Variants in SMARCA4 observed in about 807,000 individuals in gnomAD.
SMARCA4 encodes SWI/SNF related BAF chromatin remodeling complex subunit ATPase 4.
In SMARCA4, 31 loss-of-function variants were observed where a neutral mutation model predicts 193.9. The ratio of observed to expected loss-of-function variants is 0.16; its 90% confidence interval spans 0.12 to 0.22. The LOEUF (loss-of-function observed/expected upper bound fraction) is 0.22. SMARCA4 is among the 10% of genes least tolerant of loss of function. SMARCA4 has a pLI of 1.00. For synonymous variants in SMARCA4, 942 were observed against 933.1 expected, an observed-to-expected ratio of 1.01 and a Z score of -0.17; for missense variants, 1,148 against 2,296.0, an observed-to-expected ratio of 0.50 and a Z score of 10.22.
intron 30 of SMARCA4, among the ~76,000 whole-genome samples, chr19:11,053,464 A>G (rs2076374574): frequency 6.6e-6 from 1 of 151,712 alleles, no homozygotes; most frequent in Non-Finnish European, 1.5e-5. Context: ...AAAAAAAAAA[A>G]AAAAGAAAGA....
chr19:10,981,862 C>G (rs577859554), intron 1 of SMARCA4, among the ~76,000 whole-genome samples: 2 of 152,106 alleles, frequency 1.3e-5, no homozygotes, highest in African/African-American at 4.8e-5. Context: ...GTGATGCACT[C>G]CTATGGTCCC....
intron 7 of SMARCA4, 68 bp from the exon 8 acceptor site, chr19:10,991,082 T>C (rs2086517631): frequency 6.2e-7 from 1 of 1,600,720 alleles, no homozygotes; most frequent in Admixed American, 1.7e-5. Flanking sequence ...GACATCACCA[T>C]ACGTGTTTGT....
intron 9 of SMARCA4, 21 bp from the exon 10 acceptor site, chr19:10,996,192 G>T (rs1302349952): frequency 1.2e-6 from 2 of 1,613,824 alleles, no homozygotes; most frequent in Admixed American, 3.3e-5. Context: ...CCACATTGCA[G>T]TAACCCCCAT....
intron 1 of SMARCA4, among the ~76,000 whole-genome samples, chr19:10,974,232 G>A (rs1376069284): frequency 6.6e-6 from 1 of 152,154 alleles, no homozygotes; most frequent in Non-Finnish European, 1.5e-5. Context: ...AAAGCTAGGG[G>A]TGGCGTGAAA....
At chr19:11,055,667 C>T (rs1426710805) in intron 30 of SMARCA4, among the ~76,000 whole-genome samples, 1 of 152,192 alleles carries the variant, frequency 6.6e-6, no homozygotes, top group African/African-American at 2.4e-5. Flanking sequence ...TGCAGTAAGC[C>T]CCCCATGGCC....
intron 1 of SMARCA4, among the ~76,000 whole-genome samples, chr19:10,975,241 T>C (rs910022460): frequency 6.6e-6 from 1 of 151,550 alleles, no homozygotes; most frequent in African/African-American, 2.4e-5. Context: ...GGTCCCGAAC[T>C]CTTGGCCTCA....
In SMARCA4 at chr19:11,019,438, G is replaced by T; in HGVS notation, c.2506-153G>T. On this transcript the variant is annotated intron_variant, in intron 17 of 34. Coordinates refer to ENST00000344626, the MANE Select transcript of SMARCA4 (RefSeq NM_003072.5). This position sits in a 1 kb window ranked among gnomAD's most constrained non-coding sequence, Gnocchi z 6.1. Reference sequence around the variant, plus strand: ...TCTGCGTGGTGAGGTCTGGGGACGCGCCAGCGGCCCTGCCAGCCCCTTTCC... The same window carrying T: ...TCTGCGTGGTGAGGTCTGGGGACGCTCCAGCGGCCCTGCCAGCCCCTTTCC... The T allele has an allele frequency of 1.5e-6, 1 of 655,288 alleles. No individual in the cohort carries two copies. Among genetic ancestry groups the T allele is most frequent in the Non-Finnish European group, 2.8e-6 (1 of 360,314 alleles). 40.6% of individuals were successfully genotyped at this position (655,288 alleles called of 1,614,324 possible). A position where few individuals can be genotyped will look rare whatever the true frequency, so the allele number is the denominator to read the frequency against.
At position 11,025,049 on chromosome 19, in the gene SMARCA4, G is replaced by A. The variant is rs568239357; in HGVS notation, c.3082-373G>A. ...GGGAGCCCTGAGTCATGGCTCACCC[G>A]GCTGAGGCCCTCTTGCCCAGCTGAG... On this transcript the variant is annotated intron_variant, in intron 21 of 34. Transcript: ENST00000344626. Among the ~76,000 whole-genome samples the A allele has an allele frequency of 8.9e-4, 103 of 116,144 alleles. No homozygotes were observed. In the South Asian group the frequency reaches 0.022, roughly 24 times the overall value. 76.2% of individuals were successfully genotyped at this position (116,144 alleles called of 152,430 possible).
Position 10,987,972 on chromosome 19 carries a change from G to T in SMARCA4, c.1118+48G>T, listed in dbSNP as rs773137178. 3.6e-5 allele frequency: 57 copies of T among 1,600,612 alleles called. No homozygotes were observed. Among genetic ancestry groups the T allele is most frequent in the Non-Finnish European group, 4.9e-5 (57 of 1,172,620 alleles). On this transcript the variant is annotated intron_variant, in intron 6 of 34. Transcript: ENST00000344626. The surrounding 1 kb of genome is among the most constrained non-coding windows in gnomAD (Gnocchi z 5.3). ...AAGGTCACTGCCCTGTGTCCCCCAT[G>T]TCCCCCTGGGGAAGCCACTCAACTT...
chr19:11,017,672 C>T (rs992747259), intron 16 of SMARCA4, among the ~76,000 whole-genome samples: 11 of 152,260 alleles, frequency 7.2e-5, no homozygotes, highest in African/African-American at 2.4e-4. Flanking sequence ...CGCACACCTC[C>T]GGCTTCTCCC....
intron 8 of SMARCA4, among the ~76,000 whole-genome samples, chr19:10,994,441 AGCCTC>A (rs1473443770): frequency 4.8e-5 from 7 of 145,618 alleles, no homozygotes; most frequent in Non-Finnish European, 8.9e-5. Flanking sequence ...CTCCTGCCTC[AGCCTC>A]CCGAGTAGCT....
chr19:10,975,405 G>A (rs1016920449), intron 1 of SMARCA4, among the ~76,000 whole-genome samples: 8 of 149,336 alleles, frequency 5.4e-5, no homozygotes, highest in Non-Finnish European at 1.0e-4. Flanking sequence ...TCCACCTCCC[G>A]GGTTCAAGCG....
chr19:11,061,188 T>TAAAAAAAAAAAAA (rs140377414), intron 34 of SMARCA4, among the ~76,000 whole-genome samples: 14 of 68,850 alleles, frequency 2.0e-4, no homozygotes, highest in African/African-American at 1.1e-3. Context: ...ACCCTGTCTT[T>TAAAAAAAAAAAAA]AAAAAAAAAA....
At chr19:11,023,483 G>A (rs370034978) in intron 19 of SMARCA4, 35 bp from the exon 20 acceptor site, 5 of 1,353,328 alleles carry the variant, frequency 3.7e-6, no homozygotes, top group Non-Finnish European at 5.3e-6. Context: ...TCCTTTGGAG[G>A]TAACGCTTGC....
chr19:11,038,210 G>C (rs1173520105), intron 29 of SMARCA4, among the ~76,000 whole-genome samples: 2 of 152,160 alleles, frequency 1.3e-5, no homozygotes, highest in East Asian at 3.8e-4. Flanking sequence ...AGCTTCTGAT[G>C]GTTCCAGAAG....
At chr19:10,962,702 C>T (rs2083903014) in intron 1 of SMARCA4, among the ~76,000 whole-genome samples, 1 of 152,070 alleles carries the variant, frequency 6.6e-6, no homozygotes, top group Non-Finnish European at 1.5e-5. Flanking sequence ...GCCACCACGC[C>T]TGGCTAATTT....
chr19:11,022,822 A>G (rs1017873076), intron 19 of SMARCA4, among the ~76,000 whole-genome samples: 8 of 152,182 alleles, frequency 5.3e-5, no homozygotes, highest in African/African-American at 1.2e-4. Flanking sequence ...GGAGTCCCCA[A>G]TTTTTAGACT....
At position 11,039,477 on chromosome 19, in the gene SMARCA4, T is replaced by C. The variant is rs534766933; in HGVS notation, c.4171-1830T>C. 35 of 1,602,556 alleles carry C rather than the reference T, an allele frequency of 2.2e-5. No homozygotes were observed. The highest frequency in any genetic ancestry group is 5.4e-5 in the African/African-American group (4 of 74,250). On this transcript the variant is annotated intron_variant, in intron 29 of 34. Transcript: ENST00000344626. Reference sequence around the variant, plus strand: ...TTGTAGAAAATTACAGGAAAAGATATCCATGACACAGCCAGCAGTGTGGCA... The same window carrying C: ...TTGTAGAAAATTACAGGAAAAGATACCCATGACACAGCCAGCAGTGTGGCA...
At chr19:11,028,028 C>G in intron 24 of SMARCA4, 78 bp downstream of exon 24, 3 of 1,480,764 alleles carry the variant, frequency 2.0e-6, no homozygotes, top group Non-Finnish European at 2.8e-6. Flanking sequence ...CTGGCATTCC[C>G]TCCTGTGAGG....
Sources: gnomAD v4.1 joint callset for allele counts (sites outside exome capture counted in the v4.1 genomes callset) on GRCh38, gnomAD v4.1.1 for gene constraint, Gnocchi (gnomAD v3.1) non-coding constraint, MANE v1.5 for transcripts, NCBI Gene and HGNC (gene_info 2026-07-23, HGNC 2026-07-21) for gene names.